Variants in TRIM27 observed in about 807,000 individuals in gnomAD.
The protein encoded by TRIM27 is zinc finger protein RFP.
Under a neutral mutation model 57.6 loss-of-function variants are expected in TRIM27, and 12 were observed. The observed-to-expected ratio is 0.21, with a 90% CI of 0.13 to 0.34. The LOEUF is 0.34. Ranked by LOEUF, TRIM27 falls within the 10% of genes least tolerant of loss-of-function variation. The pLI is 1.00. For missense variants in TRIM27, 403 were observed against 656.8 expected (o/e 0.61, Z 4.22); for synonymous variants, 266 against 259.0 (o/e 1.03, Z -0.26).
Position 28,904,682 on chromosome 6 carries a change from A to T in TRIM27, c.947-17T>A. The T allele has an allele frequency of 6.3e-7, 1 of 1,582,336 alleles. No homozygotes were observed. Among genetic ancestry groups the T allele is most frequent in the Non-Finnish European group, 8.6e-7 (1 of 1,168,812 alleles). On this transcript the variant is annotated splice_polypyrimidine_tract_variant and intron_variant, in intron 7 of 7. Coordinates refer to ENST00000377199, the MANE Select transcript of TRIM27 (RefSeq NM_006510.5). The surrounding 1 kb of genome is among the most constrained non-coding windows in gnomAD (Gnocchi z 6.1). ...TCACGTCCACTGTAGAGACACAAGG[A>T]AGACAGTCAGCCGTGGGCCAGGAGA...
intron 3 of TRIM27, among the ~76,000 whole-genome samples, chr6:28,919,263 G>GC (rs1051497227): frequency 5.3e-5 from 8 of 151,922 alleles, no homozygotes; most frequent in African/African-American, 1.7e-4. Context: ...ACCCGCCTCG[G>GC]CCCCCCAAAG....
chr6:28,917,903 T>C (rs1191361915), intron 3 of TRIM27, among the ~76,000 whole-genome samples: 8 of 151,810 alleles, frequency 5.3e-5, no homozygotes, highest in Non-Finnish European at 1.5e-5. Context: ...CTCGGCTCAC[T>C]GCAACCATCG....
At position 28,903,920 on chromosome 6, in the gene TRIM27, G is replaced by A. The variant is rs1772575001; in HGVS notation, c.*150C>T. ...CAATCTGCATGGGAAGGAAAAGGAT[G>A]GTAGAGAACATGGACATCCTGTCTC... On this transcript the variant is annotated 3_prime_UTR_variant, in exon 8 of 8. Coordinates refer to ENST00000377199, the MANE Select transcript of TRIM27 (RefSeq NM_006510.5). 1 of 644,006 alleles carries A rather than the reference G, an allele frequency of 1.6e-6. No individual in the cohort carries two copies. Among genetic ancestry groups the A allele is most frequent in the Admixed American group, 2.8e-5 (1 of 35,340 alleles). The allele number at this position is 644,006 out of a possible 1,614,324, so 39.9% of individuals were successfully genotyped here.
rs1381717796 is a variant in TRIM27, at chr6:28,923,653, C to A, written c.-21G>T. On this transcript the variant is annotated 5_prime_UTR_variant, in exon 1 of 8. Transcript: ENST00000377199. ...GCCATGGCGCCGGCCTGCGGGGGCG[C>A]ACGGGCATGGGCCCCGGCGCCGAGC... 1.3e-6 allele frequency: 2 copies of A among 1,529,718 alleles called. No homozygotes were observed. The highest frequency in any genetic ancestry group is 8.8e-7 in the Non-Finnish European group (1 of 1,133,630). The allele number at this position is 1,529,718 out of a possible 1,614,324, so 94.8% of individuals were successfully genotyped here. A position where few individuals can be genotyped will look rare whatever the true frequency, so the allele number is the denominator to read the frequency against.
At chr6:28,921,815 G>T in intron 2 of TRIM27, 77 bp downstream of exon 2, 1 of 1,233,632 alleles carries the variant, frequency 8.1e-7, no homozygotes, top group Non-Finnish European at 1.2e-6. Context: ...TGCTGGACAA[G>T]TTTAAGGGAA....
intron 1 of TRIM27, among the ~76,000 whole-genome samples, chr6:28,922,252 A>C (rs913113576): frequency 6.6e-6 from 1 of 152,186 alleles, no homozygotes; most frequent in African/African-American, 2.4e-5. Context: ...TTAAACAATG[A>C]GTCATCTACC....
rs1169217679 is a variant in TRIM27 at position 28,923,215 on chromosome 6, T to A, written c.418A>T (p.Lys140Ter). The change falls in exon 1 of 8, where the codon AAG becomes TAG. Residue 140 changes from lysine (K) to a stop codon, truncating the protein, a stop_gained and splice_region_variant. Coordinates refer to ENST00000377199, the MANE Select transcript of TRIM27 (RefSeq NM_006510.5). LOFTEE classifies it high-confidence loss of function. Reference sequence around the variant, plus strand: ...CCCTCCCGGATCCGCGCCCTCACCTTGAAGCCCTCCACCGCCTCCTCGAGC... The same window carrying A: ...CCCTCCCGGATCCGCGCCCTCACCTAGAAGCCCTCCACCGCCTCCTCGAGC... The part of the protein sequence containing the change: ...LPLEEAVEGF[K>*]EQIQNQLDHL... The A allele has an allele frequency of 6.3e-7, 1 of 1,575,400 alleles. No homozygotes were observed. Among genetic ancestry groups the A allele is most frequent in the Non-Finnish European group, 8.6e-7 (1 of 1,159,540 alleles).
Position 28,920,448 on chromosome 6 carries a change from T to G in TRIM27, c.517-206A>C, listed in dbSNP as rs182034088. 3.3e-3 allele frequency among the ~76,000 whole-genome samples: 503 copies of G among 152,280 alleles called. 1 individual carries two copies. The highest frequency in any genetic ancestry group is 0.01 in the African/African-American group (425 of 41,558). On this transcript the variant is annotated intron_variant, in intron 2 of 7. Transcript: ENST00000377199. The stretch of plus-strand genomic sequence containing the variant: ...GTGATTATTAAGACATAGTCCCTGT[T>G]CTCAAGCAACTCAGAGAAGTGAGTC...
At chr6:28,922,011 C>T (rs1273364754) in intron 1 of TRIM27, 24 bp from the exon 2 acceptor site, 2 of 1,570,388 alleles carry the variant, frequency 1.3e-6, no homozygotes, top group Non-Finnish European at 1.8e-6. Flanking sequence ...AACAGATGGG[C>T]AGTTCAAAAT....
At chr6:28,915,791 CA>C (rs1773551482) in intron 3 of TRIM27, 1 of 152,032 alleles carries the variant, frequency 6.6e-6, no homozygotes, top group African/African-American at 2.4e-5. Context: ...CCAAAAGGTG[CA>C]AACAACCAAA....
intron 1 of TRIM27, 119 bp from the exon 2 acceptor site, chr6:28,922,106 C>T: frequency 2.7e-6 from 2 of 734,484 alleles, no homozygotes; most frequent in Non-Finnish European, 4.7e-6. Context: ...TGGCGCTTGT[C>T]CTTAGGCCAC....
chr6:28,923,729 G>A lies in TRIM27; in HGVS notation c.-97C>T. The A allele has an allele frequency of 7.5e-7, 1 of 1,341,150 alleles. No homozygotes were observed. The highest frequency in any genetic ancestry group is 9.9e-7 in the Non-Finnish European group (1 of 1,011,740). The allele number at this position is 1,341,150 out of a possible 1,614,324, so 83.1% of individuals were successfully genotyped here. ...GCTCTCTCCGGTTCGCTGTTCCTGAGAGGCACCGGGCGGACGGAGGGCGGC... is the reference window on the plus strand; with the variant it reads ...GCTCTCTCCGGTTCGCTGTTCCTGAAAGGCACCGGGCGGACGGAGGGCGGC... On this transcript the variant is annotated 5_prime_UTR_variant, in exon 1 of 8. Transcript: ENST00000377199.
At chr6:28,918,960 A>G (rs1357984069) in intron 3 of TRIM27, among the ~76,000 whole-genome samples, 1 of 152,190 alleles carries the variant, frequency 6.6e-6, no homozygotes, top group Non-Finnish European at 1.5e-5. Flanking sequence ...GGGATGGACC[A>G]TAATTTGCTG....
intron 3 of TRIM27, among the ~76,000 whole-genome samples, chr6:28,916,854 C>T (rs1773648317): frequency 6.6e-6 from 1 of 151,816 alleles, no homozygotes; most frequent in Non-Finnish European, 1.5e-5. Flanking sequence ...ATGAAGAAGG[C>T]TGGAAGGCTG....
intron 6 of TRIM27, chr6:28,908,295 A>C (rs1379070188): frequency 6.3e-6 from 1 of 157,604 alleles, no homozygotes; most frequent in East Asian, 1.8e-4. Context: ...TGAGGAAATT[A>C]CTTGTTGAAT....
intron 1 of TRIM27, 84 bp from the exon 2 acceptor site, chr6:28,922,071 A>G (rs1774085744): frequency 2.0e-6 from 2 of 1,021,510 alleles, no homozygotes; most frequent in Admixed American, 3.5e-5. Context: ...CATGGAGTCC[A>G]CACACCTGAT....
At position 28,904,680 on chromosome 6, in the gene TRIM27, G is replaced by A. The variant is rs1294865073; in HGVS notation, c.947-15C>T. On this transcript the variant is annotated splice_polypyrimidine_tract_variant and intron_variant, in intron 7 of 7. Coordinates refer to ENST00000377199, the MANE Select transcript of TRIM27 (RefSeq NM_006510.5). This position sits in a 1 kb window ranked among gnomAD's most constrained non-coding sequence, Gnocchi z 6.1. ...AGTCACGTCCACTGTAGAGACACAA[G>A]GAAGACAGTCAGCCGTGGGCCAGGA... 1 of 1,583,538 alleles carries A rather than the reference G, an allele frequency of 6.3e-7. No individual in the cohort carries two copies. Among genetic ancestry groups the A allele is most frequent in the Non-Finnish European group, 8.6e-7 (1 of 1,169,512 alleles).
chr6:28,908,204 T>C, intron 6 of TRIM27: 1 of 154,442 alleles, frequency 6.5e-6, no homozygotes. Context: ...TGTCAGGTTC[T>C]ATTCTAGAAG....
Position 28,923,668 on chromosome 6 carries a change from C to G in TRIM27, c.-36G>C. 6.7e-7 allele frequency: 1 copy of G among 1,494,872 alleles called. No homozygotes were observed. Among genetic ancestry groups the G allele is most frequent in the Non-Finnish European group, 9.0e-7 (1 of 1,115,388 alleles). 92.6% of individuals were successfully genotyped at this position (1,494,872 alleles called of 1,614,324 possible). A position where few individuals can be genotyped will look rare whatever the true frequency, so the allele number is the denominator to read the frequency against. On this transcript the variant is annotated 5_prime_UTR_variant, in exon 1 of 8. Transcript: ENST00000377199. ...TGCGGGGGCGCACGGGCATGGGCCC[C>G]GGCGCCGAGCTCTGCACTGAGCCCA...
Sources: allele counts gnomAD v4.1 joint callset (sites outside exome capture counted in the v4.1 genomes callset), GRCh38; gene constraint gnomAD v4.1.1; non-coding constraint Gnocchi (gnomAD v3.1); transcripts MANE v1.5; gene names NCBI Gene and HGNC (gene_info 2026-07-23, HGNC 2026-07-21).